Variants in ZNF473 observed in about 807,000 individuals in gnomAD.
ZNF473 encodes zinc finger protein 473, also known as zinc finger protein 100 homolog.
A neutral mutation model predicts 11.1 loss-of-function variants in ZNF473; 4 were observed. That is an observed-to-expected ratio of 0.36 (90% confidence interval 0.18 to 0.82). ZNF473 has a LOEUF of 0.82. Ranked by LOEUF, ZNF473 falls within the 40% of genes least tolerant of loss-of-function variation. The probability of loss-of-function intolerance (pLI) is 0.49; values close to 1 mark genes in which losing one functional copy is unlikely to be tolerated. For synonymous variants in ZNF473, 404 were observed against 390.4 expected, an observed-to-expected ratio of 1.03 and a Z score of -0.41; for missense variants, 854 against 1,084.0, an observed-to-expected ratio of 0.79 and a Z score of 2.98.
intron 3 of ZNF473, among the ~76,000 whole-genome samples, chr19:50,040,086 C>T (rs1020389106): frequency 1.3e-5 from 2 of 152,190 alleles, no homozygotes; most frequent in African/African-American, 4.8e-5. Flanking sequence ...TCCCCAGGAG[C>T]ACCCACAGAT....
chr19:50,038,365 G>A (rs1033981439), intron 2 of ZNF473, among the ~76,000 whole-genome samples: 19 of 151,964 alleles, frequency 1.3e-4, no homozygotes, highest in Admixed American at 5.9e-4. Context: ...TTACCCAAGC[G>A]GACCTGGTAC....
chr19:50,027,157 A>G (rs1770569985), intron 1 of ZNF473, among the ~76,000 whole-genome samples: 1 of 152,056 alleles, frequency 6.6e-6, no homozygotes, highest in African/African-American at 2.4e-5. Flanking sequence ...ATATTTTATA[A>G]TTAGGCAGCA....
Position 50,030,992 on chromosome 19 carries a change from A to G in ZNF473, c.-91A>G. On this transcript the variant is annotated 5_prime_UTR_variant, in exon 2 of 5. Coordinates refer to ENST00000270617, the MANE Select transcript of ZNF473 (RefSeq NM_015428.4). ...ATGGGTGGAAGGGAGGCTTTCTCACAGCTCCCTTGTGCTTCCCACAGCCCT... is the reference window on the plus strand; with the variant it reads ...ATGGGTGGAAGGGAGGCTTTCTCACGGCTCCCTTGTGCTTCCCACAGCCCT... The G allele has an allele frequency of 6.5e-7, 1 of 1,531,002 alleles. No homozygotes were observed. Among genetic ancestry groups the G allele is most frequent in the South Asian group, 1.2e-5 (1 of 83,624 alleles). The allele number at this position is 1,531,002 out of a possible 1,614,324, so 94.8% of individuals were successfully genotyped here.
At chr19:50,043,392 G>A (rs1978882359) in intron 4 of ZNF473, 1 of 143,078 alleles carries the variant, frequency 7.0e-6, no homozygotes, top group South Asian at 2.2e-4. Flanking sequence ...CTGAGATCGT[G>A]CAGCACTTCA....
At position 50,039,074 on chromosome 19, in the gene ZNF473, G is replaced by A; in HGVS notation, c.10-87G>A. On this transcript the variant is annotated intron_variant, in intron 2 of 4. Coordinates refer to ENST00000270617, the MANE Select transcript of ZNF473 (RefSeq NM_015428.4). This position sits in a 1 kb window ranked among gnomAD's most constrained non-coding sequence, Gnocchi z 4.8. ...GATGGTTTTTGCCAAAGCCCTGGCAGATTGAGGGCTGGGAGTGCCCTGAGT... is the reference window on the plus strand; with the variant it reads ...GATGGTTTTTGCCAAAGCCCTGGCAAATTGAGGGCTGGGAGTGCCCTGAGT... 1 of 1,552,150 alleles carries A rather than the reference G, an allele frequency of 6.4e-7. No individual in the cohort carries two copies. The highest frequency in any genetic ancestry group is 8.8e-7 in the Non-Finnish European group (1 of 1,135,872).
At position 50,045,607 on chromosome 19, in the gene ZNF473, G is replaced by A. The variant is rs748097104; in HGVS notation, c.1164G>A (p.Ser388=). 5.6e-5 allele frequency: 90 copies of A among 1,613,948 alleles called. 3 individuals are homozygous for A. The highest frequency in any genetic ancestry group is 1.6e-4 in the Middle Eastern group (1 of 6,082). ...QECGKIFRHS[S]LLIEHQALHA... ...GTGGGAAGATTTTTAGGCACAGTTC[G>A]CTGCTCATTGAACACCAGGCTCTTC... Residue 388 remains serine (S), a synonymous_variant, in exon 5 of 5, where the codon TCG becomes TCA. Transcript: ENST00000270617.
At chr19:50,033,955 A>G (rs1163613682) in intron 2 of ZNF473, among the ~76,000 whole-genome samples, 3 of 152,316 alleles carry the variant, frequency 2.0e-5, no homozygotes, top group East Asian at 3.9e-4. Context: ...CCCTTTCGCC[A>G]TGTAAGATAA....
Position 50,046,325 on chromosome 19 carries a change from A to G in ZNF473, c.1882A>G (p.Ile628Val). The G allele has an allele frequency of 6.2e-7, 1 of 1,614,206 alleles. No homozygotes were observed. The highest frequency in any genetic ancestry group is 8.5e-7 in the Non-Finnish European group (1 of 1,180,020). Reference sequence around the variant, plus strand: ...TAAATGGGGTGAGCAAGGGAAAGCCATCAGCAGTGCCTCCCTTATCAAACT... The same window carrying G: ...TAAATGGGGTGAGCAAGGGAAAGCCGTCAGCAGTGCCTCCCTTATCAAACT... ...LYKWGEQGKA[I>V]SSASLIKLQS... Residue 628 changes from isoleucine (I) to valine (V), a missense_variant, in exon 5 of 5, where the codon ATC (isoleucine) becomes GTC (valine). Physicochemically the swap from Ile to Val is conservative, Grantham distance 29. Transcript: ENST00000270617. This position sits in a 1 kb window ranked among gnomAD's most constrained non-coding sequence, Gnocchi z 5.9.
intron 1 of ZNF473, among the ~76,000 whole-genome samples, chr19:50,030,159 A>G (rs1201002053): frequency 1.3e-5 from 2 of 152,024 alleles, no homozygotes; most frequent in African/African-American, 4.8e-5. Context: ...CCTATTCTAC[A>G]TATTGGTGGT....
intron 4 of ZNF473, chr19:50,043,170 C>T (rs1978868665): frequency 6.6e-6 from 1 of 152,174 alleles, no homozygotes; most frequent in East Asian, 1.9e-4. Context: ...CGTGGTGGCT[C>T]ATACCTGTAA....
rs1568407937 is a variant in ZNF473 at position 50,039,311 on chromosome 19, G to C, written c.136+24G>C. ...GGGTGAGTGTTGCCTGTCCCCAGGG[G>C]CCTACTCACTGCCCTGCTTGGTGAT... is the stretch of plus-strand genomic sequence containing the variant. On this transcript the variant is annotated intron_variant, in intron 3 of 4. Transcript: ENST00000270617. The surrounding 1 kb of genome is among the most constrained non-coding windows in gnomAD (Gnocchi z 4.8). 6.2e-7 allele frequency: 1 copy of C among 1,613,318 alleles called. No homozygotes were observed. The highest frequency in any genetic ancestry group is 8.5e-7 in the Non-Finnish European group (1 of 1,179,478).
chr19:50,045,203 G>C lies in ZNF473; in HGVS notation c.760G>C (p.Val254Leu). Residue 254 changes from valine (V) to leucine (L), a missense_variant, in exon 5 of 5, where the codon GTG (valine) becomes CTG (leucine). This residue lies in a region of ZNF473 where 668 missense variants were observed against 790.2 expected (regional missense o/e 0.85). Coordinates refer to ENST00000270617, the MANE Select transcript of ZNF473 (RefSeq NM_015428.4). ...TTTTGACCGGAATGCTTCCCTTTCT[G>C]TGTATCCGAAAACTCACACGGGCTA... ...QGFDRNASLSVYPKTHTGYKF... is the reference protein window; with the variant it reads ...QGFDRNASLSLYPKTHTGYKF... 6.2e-7 allele frequency: 1 copy of C among 1,614,152 alleles called. No individual in the cohort carries two copies. The highest frequency in any genetic ancestry group is 8.5e-7 in the Non-Finnish European group (1 of 1,180,036).
intron 1 of ZNF473, among the ~76,000 whole-genome samples, chr19:50,027,649 TC>T (rs545989094): frequency 2.0e-3 from 302 of 152,126 alleles, no homozygotes; most frequent in Non-Finnish European, 3.3e-3. Context: ...AGAGAACTGG[TC>T]CAGGTGAGGC....
Position 50,045,107 on chromosome 19 carries a change from T to G in ZNF473, c.664T>G (p.Tyr222Asp), listed in dbSNP as rs1319741244. Residue 222 changes from tyrosine (Y) to aspartate (D), a missense_variant, in exon 5 of 5, where the codon TAC becomes GAC. Around this residue, in one of 2 missense-constraint regions of ZNF473, gnomAD observed 668 missense variants for 790.2 expected, o/e 0.85. Transcript: ENST00000270617. ...SECGKSFSGS[Y>D]RLTQHWITHT... Reference sequence around the variant, plus strand: ...ATGTGGGAAAAGCTTCAGTGGGAGTTACCGTCTTACCCAGCACTGGATCAC... The same window carrying G: ...ATGTGGGAAAAGCTTCAGTGGGAGTGACCGTCTTACCCAGCACTGGATCAC... 4 of 1,614,020 alleles carry G rather than the reference T, an allele frequency of 2.5e-6. No homozygotes were observed. Among genetic ancestry groups the G allele is most frequent in the Non-Finnish European group, 3.4e-6 (4 of 1,180,030 alleles).
Position 50,026,047 on chromosome 19 carries a change from G to C in ZNF473, c.-267G>C, listed in dbSNP as rs887582073. On this transcript the variant is annotated 5_prime_UTR_variant, in exon 1 of 5. Transcript: ENST00000270617. ...ACAGGAAGTCGCTGCGAGGAGGCGC[G>C]TGTGCGGGGAGTTGAATCTCCCGCT... 6.5e-6 allele frequency: 1 copy of C among 152,680 alleles called. No homozygotes were observed. Among genetic ancestry groups the C allele is most frequent in the Admixed American group, 6.5e-5 (1 of 15,282 alleles). The allele number at this position is 152,680 out of a possible 1,614,324, so 9.5% of individuals were successfully genotyped here.
In ZNF473 at chr19:50,039,341, C is replaced by T; in HGVS notation, c.136+54C>T. The T allele has an allele frequency of 3.7e-6, 6 of 1,605,252 alleles. No homozygotes were observed. Among genetic ancestry groups the T allele is most frequent in the Non-Finnish European group, 5.1e-6 (6 of 1,174,308 alleles). On this transcript the variant is annotated intron_variant, in intron 3 of 4. Coordinates refer to ENST00000270617, the MANE Select transcript of ZNF473 (RefSeq NM_015428.4). This position sits in a 1 kb window ranked among gnomAD's most constrained non-coding sequence, Gnocchi z 4.8. ...CTCACTGCCCTGCTTGGTGATCACC[C>T]ATGCTCTCTACCACCCACAGGGTGA...
At position 50,047,230 on chromosome 19, in the gene ZNF473, TACA is replaced by T; in HGVS notation, c.*174_*176del. 1 of 648,128 alleles carries T rather than the reference TACA, an allele frequency of 1.5e-6. No homozygotes were observed. The highest frequency in any genetic ancestry group is 2.0e-5 in the South Asian group (1 of 49,372). 40.1% of individuals were successfully genotyped at this position (648,128 alleles called of 1,614,324 possible). A position where few individuals can be genotyped will look rare whatever the true frequency, so the allele number is the denominator to read the frequency against. ...TGAAAACACAAAAGTGGAGAAGCTG[TACA>T]ACGTCAGGATTCAGAGGTAGGCTCT... On this transcript the variant is annotated 3_prime_UTR_variant, in exon 5 of 5. Coordinates refer to ENST00000270617, the MANE Select transcript of ZNF473 (RefSeq NM_015428.4).
Position 50,046,299 on chromosome 19 carries a change from A to G in ZNF473, c.1856A>G (p.Tyr619Cys), listed in dbSNP as rs777521079. 1.2e-6 allele frequency: 2 copies of G among 1,614,196 alleles called. No homozygotes were observed. The highest frequency in any genetic ancestry group is 1.7e-6 in the Non-Finnish European group (2 of 1,180,026). Residue 619 changes from tyrosine to cysteine, a missense_variant, in exon 5 of 5, where the codon TAT becomes TGT. Transcript: ENST00000270617. This position sits in a 1 kb window ranked among gnomAD's most constrained non-coding sequence, Gnocchi z 5.9. ...HQRIHSRVRL[Y>C]KWGEQGKAIS... ...AGAATCCACTCTAGAGTGAGGCTGTATAAATGGGGTGAGCAAGGGAAAGCC... is the reference window on the plus strand; with the variant it reads ...AGAATCCACTCTAGAGTGAGGCTGTGTAAATGGGGTGAGCAAGGGAAAGCC...
chr19:50,026,675 AG>A (rs1600745565), intron 1 of ZNF473, among the ~76,000 whole-genome samples: 1 of 151,992 alleles, frequency 6.6e-6, no homozygotes, highest in Middle Eastern at 3.4e-3. Context: ...CCACAAAAGA[AG>A]AAAAAAATAG....
Sources: allele counts gnomAD v4.1 joint callset (sites outside exome capture counted in the v4.1 genomes callset), GRCh38; gene constraint gnomAD v4.1.1; regional missense constraint gnomAD v4.1.1; non-coding constraint Gnocchi (gnomAD v3.1); transcripts MANE v1.5; gene names NCBI Gene and HGNC (gene_info 2026-07-23, HGNC 2026-07-21).